THEMIS: variants seen among roughly 807,000 people sequenced by gnomAD.
THEMIS encodes the protein thymocyte selection associated.
THEMIS carries 37 observed loss-of-function variants against 52.6 expected under a neutral mutation model. That is an observed-to-expected ratio of 0.70 (90% CI 0.54 to 0.93). The LOEUF (loss-of-function observed/expected upper bound fraction) is 0.93, where lower values mean the gene tolerates loss of function less well. THEMIS is among the 40% of genes least tolerant of loss of function. The pLI is 0.00. For synonymous variants in THEMIS, 292 were observed against 272.7 expected (o/e 1.07, Z -0.70); for missense variants, 808 against 763.1 (o/e 1.06, Z -0.69).
chr6:127,885,532 CTTCA>C (rs1304144702), intron 1 of THEMIS, among the ~76,000 whole-genome samples: 3 of 151,040 alleles, frequency 2.0e-5, no homozygotes, highest in South Asian at 2.1e-4. Context: ...AAAGGTCATA[CTTCA>C]TTCATTTTCT....
intron 4 of THEMIS, among the ~76,000 whole-genome samples, chr6:127,781,706 T>G (rs1030535937): frequency 2.0e-5 from 3 of 152,176 alleles, no homozygotes; most frequent in Non-Finnish European, 2.9e-5. Flanking sequence ...CCTGTTTGCC[T>G]GGGTATCACC....
chr6:127,904,157 T>C (rs142655792), upstream of THEMIS, among the ~76,000 whole-genome samples: 39 of 152,190 alleles, frequency 2.6e-4, no homozygotes, highest in Non-Finnish European at 4.4e-4. Context: ...AATTGGACTT[T>C]GGGAAGTAGC....
At chr6:127,720,388 A>T (rs541671461) in intron 4 of THEMIS, among the ~76,000 whole-genome samples, 1 of 152,032 alleles carries the variant, frequency 6.6e-6, no homozygotes, top group Admixed American at 6.6e-5. Context: ...GGTCCCTATA[A>T]CTCATCTCAC....
At chr6:127,815,188 G>C (rs1448889907) in intron 3 of THEMIS, among the ~76,000 whole-genome samples, 1 of 151,914 alleles carries the variant, frequency 6.6e-6, no homozygotes, top group African/African-American at 2.4e-5. Context: ...AAAGTTATGT[G>C]TTAATATTAA....
chr6:127,750,386 T>A (rs1049966882), intron 4 of THEMIS, among the ~76,000 whole-genome samples: 17 of 151,832 alleles, frequency 1.1e-4, no homozygotes, highest in Non-Finnish European at 2.2e-4. Flanking sequence ...AGCACTGATT[T>A]CATTTATTTT....
chr6:127,753,799 A>T (rs1446696661), intron 4 of THEMIS, among the ~76,000 whole-genome samples: 1 of 152,012 alleles, frequency 6.6e-6, no homozygotes, highest in Non-Finnish European at 1.5e-5. Context: ...TTCATTTTGC[A>T]AGTTATGTTC....
chr6:127,731,864 A>ATTTTTTTTTTTTTTTTTGT (rs1774814449), intron 4 of THEMIS, among the ~76,000 whole-genome samples: 1 of 41,704 alleles, frequency 2.4e-5, no homozygotes, highest in Non-Finnish European at 3.8e-5. Context: ...TGCCCGGCTA[A>ATTTTTTTTTTTTTTTTTGT]TTTTTTTTTT....
chr6:127,771,861 G>A (rs1003328822), intron 4 of THEMIS, among the ~76,000 whole-genome samples: 1 of 151,840 alleles, frequency 6.6e-6, no homozygotes, highest in East Asian at 1.9e-4. Context: ...CTTCCCCAAG[G>A]GTTACTGCAA....
At chr6:127,914,958 C>T (rs754090952) in intron 1 of THEMIS, among the ~76,000 whole-genome samples, 7 of 152,180 alleles carry the variant, frequency 4.6e-5, no homozygotes, top group Non-Finnish European at 8.8e-5. Context: ...CCTGATTTTA[C>T]ACATTACTAG....
intron 4 of THEMIS, among the ~76,000 whole-genome samples, chr6:127,804,468 T>C (rs1777635004): frequency 6.6e-6 from 1 of 152,124 alleles, no homozygotes; most frequent in Admixed American, 6.5e-5. Flanking sequence ...GAAGATTAAA[T>C]AAGAGATTAA....
At chr6:127,881,533 G>A (rs1328460158) in intron 1 of THEMIS, among the ~76,000 whole-genome samples, 2 of 151,816 alleles carry the variant, frequency 1.3e-5, no homozygotes, top group Non-Finnish European at 2.9e-5. Context: ...AAAGAACTTA[G>A]TTATCTTTAA....
intron 4 of THEMIS, among the ~76,000 whole-genome samples, chr6:127,778,912 G>T (rs1776653132): frequency 6.6e-6 from 1 of 151,384 alleles, no homozygotes; most frequent in Admixed American, 6.6e-5. Context: ...TTGAACCCGG[G>T]TTTTCATTTT....
intron 4 of THEMIS, among the ~76,000 whole-genome samples, chr6:127,765,121 T>C (rs1005352544): frequency 1.3e-5 from 2 of 151,916 alleles, no homozygotes; most frequent in Non-Finnish European, 2.9e-5. Context: ...TAATGCAGAA[T>C]AAAAAAATAT....
chr6:127,716,468 G>T (rs764940461), intron 5 of THEMIS, among the ~76,000 whole-genome samples: 4 of 151,974 alleles, frequency 2.6e-5, no homozygotes, highest in Middle Eastern at 3.4e-3. Flanking sequence ...TCCAATGATT[G>T]TTTGATGCAG....
At chr6:127,830,266 C>T (rs1047455575) in intron 2 of THEMIS, among the ~76,000 whole-genome samples, 1 of 152,200 alleles carries the variant, frequency 6.6e-6, no homozygotes, top group Non-Finnish European at 1.5e-5. Context: ...AGGCATCTTA[C>T]TTCTCAGTCA....
chr6:127,861,045 A>G (rs949614863), intron 1 of THEMIS, among the ~76,000 whole-genome samples: 2 of 152,170 alleles, frequency 1.3e-5, no homozygotes, highest in African/African-American at 2.4e-5. Context: ...GGAACAAATC[A>G]GTGACTGTGC....
chr6:127,719,642 A>T, intron 5 of THEMIS, 46 bp downstream of exon 5: 1 of 1,507,836 alleles, frequency 6.6e-7, no homozygotes, highest in Non-Finnish European at 8.9e-7. Context: ...TGTCATGTGG[A>T]CAGTTAAACC....
At chr6:127,770,669 G>T (rs1158530535) in intron 4 of THEMIS, among the ~76,000 whole-genome samples, 1 of 152,102 alleles carries the variant, frequency 6.6e-6, no homozygotes, top group African/African-American at 2.4e-5. Flanking sequence ...ATTGCTTTTG[G>T]TGTTTTGCCC....
At chr6:127,701,403 G>A in the THEMIS span, among the ~76,000 whole-genome samples, 3 of 151,940 alleles carry the variant, frequency 2.0e-5, no homozygotes, top group South Asian at 2.1e-4. Flanking sequence ...AGTTTCCATC[G>A]CGTGGTTACA....
Sources: allele counts gnomAD v4.1 joint callset (sites outside exome capture counted in the v4.1 genomes callset), GRCh38; gene constraint gnomAD v4.1.1; transcripts MANE v1.5; gene names NCBI Gene and HGNC (gene_info 2026-07-23, HGNC 2026-07-21).